SH3BGRL2: variants seen among roughly 807,000 people sequenced by gnomAD.
SH3BGRL2 encodes the protein SH3 domain-binding glutamic acid-rich-like protein 2.
Under a neutral mutation model 14.8 loss-of-function variants are expected in SH3BGRL2, and 21 were observed. The ratio of observed to expected loss-of-function variants is 1.42; its 90% CI spans 1.01 to 2.05. The LOEUF (loss-of-function observed/expected upper bound fraction) is 2.05, where lower values mean the gene tolerates loss of function less well. Among genes scored for constraint, SH3BGRL2 ranks in the 30% most tolerant of loss-of-function variants. The pLI, the probability that SH3BGRL2 is intolerant of heterozygous loss-of-function variation, is 0.00. For missense variants in SH3BGRL2, 147 were observed against 130.8 expected (o/e 1.12, Z -0.61); for synonymous variants, 50 against 47.8 (o/e 1.05, Z -0.19).
At chr6:79,576,793 A>G in the SH3BGRL2 span, among the ~76,000 whole-genome samples, 4 of 152,314 alleles carry the variant, frequency 2.6e-5, no homozygotes, top group East Asian at 7.7e-4. Flanking sequence ...CTTCTAAGGC[A>G]TTCCCCACCC....
At chr6:79,624,813 T>A in the SH3BGRL2 span, among the ~76,000 whole-genome samples, 1 of 148,972 alleles carries the variant, frequency 6.7e-6, no homozygotes, top group Non-Finnish European at 1.5e-5. Flanking sequence ...GTTTTTTGGG[T>A]TTTTTTTTTC....
At chr6:79,679,525 G>C (rs990229694) in intron 2 of SH3BGRL2, among the ~76,000 whole-genome samples, 1 of 151,940 alleles carries the variant, frequency 6.6e-6, no homozygotes, top group Admixed American at 6.6e-5. Flanking sequence ...CACATAGTTT[G>C]TGAATATTTT....
At chr6:79,658,419 T>G (rs565288731) in intron 1 of SH3BGRL2, among the ~76,000 whole-genome samples, 50 of 152,318 alleles carry the variant, frequency 3.3e-4, no homozygotes, top group African/African-American at 1.2e-3. Context: ...TGTGATAGTT[T>G]GTTGATAATG....
At chr6:79,555,605 G>A in the SH3BGRL2 span, among the ~76,000 whole-genome samples, 3 of 152,230 alleles carry the variant, frequency 2.0e-5, no homozygotes, top group Admixed American at 2.0e-4. Flanking sequence ...CCGCCTCCCG[G>A]GTTCAAGCGA....
Position 79,673,799 on chromosome 6 carries a change from A to C in SH3BGRL2, c.231A>C (p.Gly77=), listed in dbSNP as rs1176029086. The C allele has an allele frequency of 6.2e-7, 1 of 1,613,020 alleles. No homozygotes were observed. The highest frequency in any genetic ancestry group is 2.2e-5 in the East Asian group (1 of 44,872). ...PQIFNGDRYC[G]DYDSFFESKE... Reference sequence around the variant, plus strand: ...TATTTAATGGCGACCGATACTGTGGAGTAAGTGGCTAGACTGTTATCATGC... The same window carrying C: ...TATTTAATGGCGACCGATACTGTGGCGTAAGTGGCTAGACTGTTATCATGC... The change falls in exon 2 of 4, where the codon GGA becomes GGC. Residue 77 remains glycine, a splice_region_variant and synonymous_variant. Coordinates refer to ENST00000369838, the MANE Select transcript of SH3BGRL2 (RefSeq NM_031469.4).
At chr6:79,603,294 G>C in the SH3BGRL2 span, among the ~76,000 whole-genome samples, 1 of 152,158 alleles carries the variant, frequency 6.6e-6, no homozygotes, top group African/African-American at 2.4e-5. Flanking sequence ...TTTCCCTTGA[G>C]GGCATCAAGA....
chr6:79,643,199 A>G (rs1769064707), intron 1 of SH3BGRL2, among the ~76,000 whole-genome samples: 1 of 152,204 alleles, frequency 6.6e-6, no homozygotes, highest in Non-Finnish European at 1.5e-5. Context: ...ATTAAGTAGC[A>G]TGTCTAGGAT....
chr6:79,553,591 A>G, the SH3BGRL2 span, among the ~76,000 whole-genome samples: 1 of 152,210 alleles, frequency 6.6e-6, no homozygotes, highest in African/African-American at 2.4e-5. Context: ...TCAGAACACC[A>G]AAGAGAGGCG....
chr6:79,657,270 A>G (rs906272751), intron 1 of SH3BGRL2, among the ~76,000 whole-genome samples: 3 of 152,330 alleles, frequency 2.0e-5, no homozygotes, highest in Admixed American at 6.5e-5. Flanking sequence ...AGAGTAGGAC[A>G]GTAAAGAAAT....
rs572731705 is a variant in SH3BGRL2, at chr6:79,653,828, A to C, written c.46-19786A>C. ...GTGGAGAATGGTCTGGCTGTTGGCC[A>C]GGGTGACTGAGCCATGTATGTTGCA... On this transcript the variant is annotated intron_variant, in intron 1 of 3. Transcript: ENST00000369838. Among the ~76,000 whole-genome samples the C allele has an allele frequency of 1.9e-4, 29 of 152,360 alleles. No homozygotes were observed. The East Asian group carries it at 5.6e-3, about 29-fold the overall frequency.
chr6:79,547,026 A>T, the SH3BGRL2 span, among the ~76,000 whole-genome samples: 2,714 of 152,216 alleles, frequency 0.018, 77 homozygotes, highest in African/African-American at 0.062. Flanking sequence ...GGAATAAAGC[A>T]TTTGAGACAG....
chr6:79,698,962 T>C (rs1482608700), intron 3 of SH3BGRL2, among the ~76,000 whole-genome samples: 1 of 152,080 alleles, frequency 6.6e-6, no homozygotes, highest in Admixed American at 6.6e-5. Context: ...ATATCCAAAG[T>C]AGGTAACAAC....
At chr6:79,678,426 T>C (rs1236367501) in intron 2 of SH3BGRL2, among the ~76,000 whole-genome samples, 1 of 152,180 alleles carries the variant, frequency 6.6e-6, no homozygotes, top group African/African-American at 2.4e-5. Flanking sequence ...ACTTAGCATA[T>C]CTTCAAGGTT....
intron 1 of SH3BGRL2, among the ~76,000 whole-genome samples, chr6:79,639,530 C>T (rs2746315): frequency 0.092 from 13,977 of 152,178 alleles, 1,128 homozygotes; most frequent in East Asian, 0.43. Flanking sequence ...GTCGAGCCTG[C>T]AGTGAGCCGA....
At chr6:79,695,858 C>T (rs576822613) in intron 2 of SH3BGRL2, among the ~76,000 whole-genome samples, 2 of 152,184 alleles carry the variant, frequency 1.3e-5, no homozygotes, top group East Asian at 3.9e-4. Context: ...ACAGATTGAC[C>T]AGAATTCCTT....
chr6:79,556,530 A>G, the SH3BGRL2 span, among the ~76,000 whole-genome samples: 14 of 152,080 alleles, frequency 9.2e-5, no homozygotes, highest in Admixed American at 2.0e-4. Context: ...TAATTGTGCA[A>G]TAAAACAGGA....
chr6:79,682,630 C>T (rs768175734), intron 2 of SH3BGRL2, among the ~76,000 whole-genome samples: 4 of 152,158 alleles, frequency 2.6e-5, no homozygotes, highest in Non-Finnish European at 5.9e-5. Flanking sequence ...CCTGGGGGGG[C>T]CCAAAGTCAG....
chr6:79,703,171 G>A lies in SH3BGRL2; in HGVS notation c.*3662G>A, dbSNP rs1487389734. On this transcript the variant is annotated 3_prime_UTR_variant, in exon 4 of 4. Transcript: ENST00000369838. ...CATCCTTTCTGTCAGCATGGATCAAGCCCCTAAAATGTGGTAAGTGTTGTC... is the reference window on the plus strand; with the variant it reads ...CATCCTTTCTGTCAGCATGGATCAAACCCCTAAAATGTGGTAAGTGTTGTC... The A allele has an allele frequency of 3.9e-5, 6 of 152,140 alleles. No homozygotes were observed. The highest frequency in any genetic ancestry group is 8.8e-5 in the Non-Finnish European group (6 of 68,052). The allele number at this position is 152,140 out of a possible 1,614,324, so 9.4% of individuals were successfully genotyped here.
chr6:79,660,789 G>A (rs1769529184), intron 1 of SH3BGRL2, among the ~76,000 whole-genome samples: 2 of 152,006 alleles, frequency 1.3e-5, no homozygotes, highest in Non-Finnish European at 2.9e-5. Context: ...TTGGTTGATA[G>A]GCTATTCATT....
Sources: gnomAD v4.1 joint callset for allele counts (sites outside exome capture counted in the v4.1 genomes callset) on GRCh38, gnomAD v4.1.1 for gene constraint, MANE v1.5 for transcripts, NCBI Gene and HGNC (gene_info 2026-07-23, HGNC 2026-07-21) for gene names.